DSCAM: variants seen among roughly 807,000 people sequenced by gnomAD.
The protein encoded by DSCAM is cell adhesion molecule DSCAM.
A neutral mutation model predicts 217.7 loss-of-function variants in DSCAM; 47 were observed. That is an observed-to-expected ratio of 0.22 (90% confidence interval 0.17 to 0.28). The LOEUF (loss-of-function observed/expected upper bound fraction) is 0.28, where lower values mean the gene tolerates loss of function less well. DSCAM is among the 10% of genes least tolerant of loss of function. The probability of loss-of-function intolerance (pLI) is 1.00; values close to 1 mark genes in which losing one functional copy is unlikely to be tolerated. For synonymous variants in DSCAM, 1,056 were observed against 1,015.3 expected, an observed-to-expected ratio of 1.04 and a Z score of -0.76; for missense variants, 2,080 against 2,618.3, an observed-to-expected ratio of 0.79 and a Z score of 4.49.
At chr21:40,244,718 G>A (rs920699687) in intron 11 of DSCAM, among the ~76,000 whole-genome samples, 4 of 152,214 alleles carry the variant, frequency 2.6e-5, no homozygotes, top group Non-Finnish European at 5.9e-5. Flanking sequence ...AGGTTGGGGC[G>A]GCGAGGGTGG....
chr21:40,558,478 A>T (rs971412403), intron 3 of DSCAM, among the ~76,000 whole-genome samples: 1 of 151,906 alleles, frequency 6.6e-6, no homozygotes, highest in African/African-American at 2.4e-5. Context: ...TATCTAAGTT[A>T]ATTTCACTTA....
Position 40,589,878 on chromosome 21 carries a change from C to T in DSCAM, c.508+102932G>A, listed in dbSNP as rs183578087. Among the ~76,000 whole-genome samples the T allele has an allele frequency of 7.9e-5, 12 of 152,214 alleles. No individual in the cohort carries two copies. In the East Asian group the frequency reaches 1.4e-3, roughly 17 times the overall value. On this transcript the variant is annotated intron_variant, in intron 3 of 32. Coordinates refer to ENST00000400454, the MANE Select transcript of DSCAM (RefSeq NM_001389.5). ...GGTAGCTTATGTCTGGATAACATAG[C>T]CAAAAATTATGTACAAATGAACTGG...
Position 40,055,797 on chromosome 21 carries a change from T to C in DSCAM, c.4963A>G (p.Thr1655Ala). Residue 1655 changes from threonine (T) to alanine (A), a missense_variant, in exon 29 of 33, where the codon ACC becomes GCC. By Grantham distance (58) the Thr-to-Ala change is moderately conservative. This residue lies in a region of DSCAM where 1,144 missense variants were observed against 1,421.1 expected (regional missense o/e 0.81). Transcript: ENST00000400454. Reference sequence around the variant, plus strand: ...GGTATGTCGATGTGCATTCGCAGGGTCTGCTGTTGCTTGCTTAACGTATCT... The same window carrying C: ...GGTATGTCGATGTGCATTCGCAGGGCCTGCTGTTGCTTGCTTAACGTATCT... Reference protein sequence around the residue: ...TSDTLSKQQQTLRMHIDIPRA... With the variant: ...TSDTLSKQQQALRMHIDIPRA... The C allele has an allele frequency of 6.2e-7, 1 of 1,613,930 alleles. No individual in the cohort carries two copies. The highest frequency in any genetic ancestry group is 1.1e-5 in the South Asian group (1 of 91,078).
Position 40,026,075 on chromosome 21 carries a change from T to C in DSCAM, c.5687-12689A>G, listed in dbSNP as rs1178436568. ...CCAGAGATTCTGGTATGTTGTGTCT[T>C]TGTTCTCGTTGGTTTCAAAGAACAT... On this transcript the variant is annotated intron_variant, in intron 32 of 32. Coordinates refer to ENST00000400454, the MANE Select transcript of DSCAM (RefSeq NM_001389.5). Among the ~76,000 whole-genome samples, 3 of 142,694 alleles carry C rather than the reference T, an allele frequency of 2.1e-5. 1 individual carries two copies. The Admixed American group carries it at 2.1e-4, about 10-fold the overall frequency. 93.6% of individuals were successfully genotyped at this position (142,694 alleles called of 152,430 possible).
rs1291683734 is a variant in DSCAM, at chr21:40,176,171, A to C, written c.2947+2756T>G. Among the ~76,000 whole-genome samples, 3 of 152,270 alleles carry C rather than the reference A, an allele frequency of 2.0e-5. No individual in the cohort carries two copies. The East Asian group carries it at 5.8e-4, about 30-fold the overall frequency. ...AGGCATTCTTGAACTTGACTTTTCA[A>C]GGAAGGGCACAGAAAAGGAGACATG... On this transcript the variant is annotated intron_variant, in intron 15 of 32. Coordinates refer to ENST00000400454, the MANE Select transcript of DSCAM (RefSeq NM_001389.5).
At chr21:40,648,657 G>C (rs2089978953) in intron 3 of DSCAM, among the ~76,000 whole-genome samples, 1 of 152,030 alleles carries the variant, frequency 6.6e-6, no homozygotes, top group South Asian at 2.1e-4. Flanking sequence ...GTGCCTTTGA[G>C]TGGTGTCTTC....
chr21:40,297,197 G>A (rs1007785875), intron 9 of DSCAM, among the ~76,000 whole-genome samples: 3 of 152,108 alleles, frequency 2.0e-5, no homozygotes, highest in African/African-American at 2.4e-5. Context: ...ATGTTGTGAG[G>A]TGCTGTAAAG....
intron 1 of DSCAM, among the ~76,000 whole-genome samples, chr21:40,827,382 T>C (rs1050702083): frequency 3.4e-5 from 5 of 147,264 alleles, no homozygotes; most frequent in African/African-American, 5.1e-5. Flanking sequence ...GGTGGGAGGA[T>C]CACTCGAGCC....
chr21:40,091,554 T>C (rs1336405430), intron 21 of DSCAM, among the ~76,000 whole-genome samples: 1 of 152,108 alleles, frequency 6.6e-6, no homozygotes, highest in African/African-American at 2.4e-5. Context: ...CACTATTTCT[T>C]TATAGCACTT....
At chr21:40,683,637 A>G (rs1035650557) in intron 3 of DSCAM, among the ~76,000 whole-genome samples, 16 of 152,114 alleles carry the variant, frequency 1.1e-4, no homozygotes, top group African/African-American at 3.9e-4. Context: ...GGAGCAGGTA[A>G]GGGGACCAGG....
chr21:40,785,394 C>T (rs1318717877), intron 1 of DSCAM, among the ~76,000 whole-genome samples: 1 of 152,196 alleles, frequency 6.6e-6, no homozygotes, highest in Non-Finnish European at 1.5e-5. Flanking sequence ...TGGAAAACTG[C>T]CTTTGTGGTC....
At chr21:40,668,370 G>A (rs1047465505) in intron 3 of DSCAM, among the ~76,000 whole-genome samples, 1 of 152,176 alleles carries the variant, frequency 6.6e-6, no homozygotes, top group East Asian at 1.9e-4. Context: ...TTCAGTGCTG[G>A]TAGAACATAA....
rs146613001 is a variant in DSCAM, at chr21:40,148,175, G to A, written c.3019-3444C>T. 1.9e-3 allele frequency among the ~76,000 whole-genome samples: 283 copies of A among 152,100 alleles called. 1 individual carries two copies. Among genetic ancestry groups the A allele is most frequent in the African/African-American group, 6.4e-3 (265 of 41,466 alleles). ...GAGTAGAGTTATGCGTTATTTGATG[G>A]TAGTAGTGTTTTTACATCTTTTTTT... On this transcript the variant is annotated intron_variant, in intron 16 of 32. Transcript: ENST00000400454.
chr21:40,285,142 C>G (rs900318563), intron 10 of DSCAM, among the ~76,000 whole-genome samples: 3 of 152,154 alleles, frequency 2.0e-5, no homozygotes, highest in African/African-American at 7.2e-5. Flanking sequence ...CAGCACTCGT[C>G]AAGGGGTCAT....
At chr21:40,701,603 A>G (rs2090657206) in intron 2 of DSCAM, among the ~76,000 whole-genome samples, 3 of 151,970 alleles carry the variant, frequency 2.0e-5, no homozygotes, top group Non-Finnish European at 1.5e-5. Flanking sequence ...CCCCAAATTC[A>G]TATATATTGT....
intron 1 of DSCAM, among the ~76,000 whole-genome samples, chr21:40,770,265 C>G (rs1020571202): frequency 6.6e-6 from 1 of 152,198 alleles, no homozygotes; most frequent in African/African-American, 2.4e-5. Context: ...AGTTTCTCTT[C>G]ATTTTTATCA....
intron 3 of DSCAM, among the ~76,000 whole-genome samples, chr21:40,682,287 T>C (rs55777115): frequency 6.6e-6 from 1 of 151,830 alleles, no homozygotes; most frequent in African/African-American, 2.4e-5. Context: ...TGGAAGATGA[T>C]GAAATGACCA....
intron 3 of DSCAM, among the ~76,000 whole-genome samples, chr21:40,543,078 G>T (rs944106474): frequency 6.6e-6 from 1 of 151,960 alleles, no homozygotes; most frequent in East Asian, 1.9e-4. Context: ...AATGTATCTG[G>T]CTCATTTCAA....
chr21:40,594,418 C>T (rs541289444), intron 3 of DSCAM, among the ~76,000 whole-genome samples: 3 of 152,090 alleles, frequency 2.0e-5, no homozygotes, highest in Non-Finnish European at 4.4e-5. Context: ...CCTGGCCTGT[C>T]GTTTCAGGAA....
Sources: gnomAD v4.1 joint callset for allele counts (sites outside exome capture counted in the v4.1 genomes callset) on GRCh38, gnomAD v4.1.1 for gene constraint, gnomAD v4.1.1 regional missense constraint, MANE v1.5 for transcripts, NCBI Gene and HGNC (gene_info 2026-07-23, HGNC 2026-07-21) for gene names.